ANKRD36: variants seen among roughly 807,000 people sequenced by gnomAD.
ANKRD36 encodes ankyrin repeat domain 36, also known as ankyrin repeat domain-containing protein 36A.
ANKRD36 carries 179 observed loss-of-function variants against 278.1 expected under a neutral mutation model. The observed-to-expected ratio is 0.64, with a 90% CI of 0.57 to 0.73. The LOEUF is 0.73. Ranked by LOEUF, ANKRD36 falls within the 30% of genes least tolerant of loss-of-function variation. The pLI is 0.00. For synonymous variants in ANKRD36, 320 were observed against 641.1 expected (o/e 0.50, Z 7.57); for missense variants, 1,159 against 1,956.7 (o/e 0.59, Z 7.69).
At chr2:97,219,457 TG>T (rs1224468272) in intron 66 of ANKRD36, among the ~76,000 whole-genome samples, 2 of 152,092 alleles carry the variant, frequency 1.3e-5, no homozygotes, top group Non-Finnish European at 2.9e-5. Flanking sequence ...AAGGTTTTTT[TG>T]TTTTGTTTTG....
In ANKRD36 at chr2:97,169,020, G is replaced by A. The variant is rs998571146; in HGVS notation, c.1633+1253G>A. ...ATGGTGTTTCTTGTTCTAGATCCTTGAGGAATCACCACACTGTCTTCCACA... is the reference window on the plus strand; with the variant it reads ...ATGGTGTTTCTTGTTCTAGATCCTTAAGGAATCACCACACTGTCTTCCACA... On this transcript the variant is annotated intron_variant, in intron 22 of 75. Transcript: ENST00000420699. Among the ~76,000 whole-genome samples the A allele has an allele frequency of 5.3e-5, 8 of 151,814 alleles. No individual in the cohort carries two copies. The East Asian group carries it at 1.2e-3, about 23-fold the overall frequency.
At chr2:97,125,717 A>G (rs533849942) in intron 5 of ANKRD36, among the ~76,000 whole-genome samples, 3 of 151,740 alleles carry the variant, frequency 2.0e-5, no homozygotes, top group Non-Finnish European at 4.4e-5. Flanking sequence ...TGTTATCTAT[A>G]ATAATGAAGA....
chr2:97,129,285 G>T (rs1456285737), intron 6 of ANKRD36, among the ~76,000 whole-genome samples: 1 of 152,066 alleles, frequency 6.6e-6, no homozygotes, highest in African/African-American at 2.4e-5. Flanking sequence ...AGAAGTGTCT[G>T]TTCATATCCT....
chr2:97,151,989 GTTT>G, intron 13 of ANKRD36, 50 bp downstream of exon 13: 3 of 1,086,338 alleles, frequency 2.8e-6, no homozygotes, highest in Non-Finnish European at 3.8e-6. Context: ...TTCTTCATTT[GTTT>G]TTTTTTTTTC....
At chr2:97,203,131 G>A (rs572007269) in intron 48 of ANKRD36, among the ~76,000 whole-genome samples, 49 of 151,818 alleles carry the variant, frequency 3.2e-4, no homozygotes, top group East Asian at 7.8e-4. Context: ...TGAATACATT[G>A]GTTTCCTTGT....
At chr2:97,192,521 T>A (rs373779463) in intron 36 of ANKRD36, among the ~76,000 whole-genome samples, 2 of 151,774 alleles carry the variant, frequency 1.3e-5, no homozygotes, top group African/African-American at 2.4e-5. Flanking sequence ...GCTTTGACAT[T>A]CATTCTCAGG....
chr2:97,129,630 T>A (rs1209009601), intron 6 of ANKRD36, among the ~76,000 whole-genome samples: 2 of 152,082 alleles, frequency 1.3e-5, no homozygotes, highest in African/African-American at 4.8e-5. Context: ...CTTTAATCCA[T>A]CTTGAATTAA....
rs542943327 is a variant in ANKRD36, at chr2:97,174,248, C to T, written c.1634-5490C>T. On this transcript the variant is annotated intron_variant, in intron 22 of 75. Transcript: ENST00000420699. ...GAAATGTAAAAACATCAGGAGTCTT[C>T]ATGAGTATAAATAAAATGATTTTTA... Among the ~76,000 whole-genome samples, 161 of 151,866 alleles carry T rather than the reference C, an allele frequency of 1.1e-3. 1 individual carries two copies. Among genetic ancestry groups the T allele is most frequent in the African/African-American group, 3.7e-3 (153 of 41,484 alleles).
intron 66 of ANKRD36, among the ~76,000 whole-genome samples, chr2:97,220,569 T>A: frequency 6.6e-6 from 1 of 151,550 alleles, no homozygotes; most frequent in South Asian, 2.1e-4. Flanking sequence ...AATGAGAGGA[T>A]CTTATTCTTT....
chr2:97,159,956 A>T (rs1037526540), intron 17 of ANKRD36, among the ~76,000 whole-genome samples: 12 of 152,326 alleles, frequency 7.9e-5, no homozygotes, highest in South Asian at 6.2e-4. Flanking sequence ...TAATTTTTTT[A>T]ATATTTTTAG....
At chr2:97,218,236 A>T (rs2066472073) in intron 64 of ANKRD36, among the ~76,000 whole-genome samples, 1 of 150,462 alleles carries the variant, frequency 6.6e-6, no homozygotes, top group Non-Finnish European at 1.5e-5. Flanking sequence ...TGTTGAATTC[A>T]TTAATTGAAT....
At chr2:97,190,699 G>A (rs569123015) in intron 34 of ANKRD36, among the ~76,000 whole-genome samples, 44 of 151,560 alleles carry the variant, frequency 2.9e-4, no homozygotes, top group African/African-American at 1.0e-3. Context: ...CTCATCACTC[G>A]GCATATCCAC....
chr2:97,178,452 G>T (rs1315556941), intron 22 of ANKRD36, among the ~76,000 whole-genome samples: 1 of 151,748 alleles, frequency 6.6e-6, no homozygotes, highest in Non-Finnish European at 1.5e-5. Context: ...TGATAGACTG[G>T]ATTAAGAAAA....
At chr2:97,136,602 C>A (rs558008449) in intron 6 of ANKRD36, among the ~76,000 whole-genome samples, 2 of 151,784 alleles carry the variant, frequency 1.3e-5, no homozygotes, top group African/African-American at 4.8e-5. Flanking sequence ...AATTACAGGG[C>A]ACCCATAGGA....
At chr2:97,153,585 G>A (rs1189590251) in intron 14 of ANKRD36, among the ~76,000 whole-genome samples, 1 of 147,278 alleles carries the variant, frequency 6.8e-6, no homozygotes, top group Non-Finnish European at 1.5e-5. Flanking sequence ...TCAGAGAAAT[G>A]AGAATTGCAC....
intron 24 of ANKRD36, among the ~76,000 whole-genome samples, 186 bp downstream of exon 24, chr2:97,180,119 G>A (rs1013290408): frequency 6.6e-6 from 1 of 151,540 alleles, no homozygotes; most frequent in Admixed American, 6.6e-5. Flanking sequence ...GATCTGAGTA[G>A]TAAGATTGTA....
At chr2:97,193,839 A>G (rs73961168) in intron 38 of ANKRD36, among the ~76,000 whole-genome samples, 1 of 151,634 alleles carries the variant, frequency 6.6e-6, no homozygotes, top group Non-Finnish European at 1.5e-5. Context: ...TATTTAATGA[A>G]ACTTCTTTAG....
At chr2:97,201,619 G>T (rs1223744869) in intron 46 of ANKRD36, among the ~76,000 whole-genome samples, 1 of 151,936 alleles carries the variant, frequency 6.6e-6, no homozygotes. Context: ...ACACCACATG[G>T]GTGGGAGAGA....
Position 97,245,196 on chromosome 2 carries a change from A to ATT in ANKRD36, c.4531_4532insTT (p.Asn1511IlefsTer4), listed in dbSNP as rs2075236665. ...TGAAAAAGAAGACCTGCTGCATGAA[A>ATT]ACCGCTTGATGCAAGATGAAATTGC... On this transcript the variant is annotated frameshift_variant, in exon 71 of 76. Transcript: ENST00000420699. LOFTEE classifies it high-confidence loss of function. The ATT allele has an allele frequency of 7.4e-7, 1 of 1,348,124 alleles. No homozygotes were observed. Among genetic ancestry groups the ATT allele is most frequent in the African/African-American group, 2.0e-5 (1 of 49,478 alleles). The allele number at this position is 1,348,124 out of a possible 1,614,324, so 83.5% of individuals were successfully genotyped here.
Sources: allele counts gnomAD v4.1 joint callset (sites outside exome capture counted in the v4.1 genomes callset), GRCh38; gene constraint gnomAD v4.1.1; transcripts MANE v1.5; gene names NCBI Gene and HGNC (gene_info 2026-07-23, HGNC 2026-07-21).